Variants in HERC1 observed in about 807,000 individuals in gnomAD.
HERC1 encodes probable E3 ubiquitin-protein ligase HERC1.
In HERC1, 160 loss-of-function variants were observed where a neutral mutation model predicts 554.3. The observed-to-expected ratio is 0.29, with a 90% confidence interval of 0.25 to 0.33. The LOEUF (loss-of-function observed/expected upper bound fraction) is 0.33. HERC1 is among the 10% of genes least tolerant of loss of function. The pLI is 1.00. For synonymous variants in HERC1, 2,175 were observed against 2,131.7 expected (o/e 1.02, Z -0.56); for missense variants, 4,919 against 5,918.5 (o/e 0.83, Z 5.54).
chr15:63,812,970 C>T (rs977112036), intron 1 of HERC1, among the ~76,000 whole-genome samples: 1 of 151,938 alleles, frequency 6.6e-6, no homozygotes, highest in African/African-American at 2.4e-5. Flanking sequence ...TTATAAGCAA[C>T]CTTATTTTAA....
chr15:63,635,035 T>C lies in HERC1; in HGVS notation c.12415-147A>G, dbSNP rs913069514. On this transcript the variant is annotated intron_variant, in intron 65 of 77. Coordinates refer to ENST00000443617, the MANE Select transcript of HERC1 (RefSeq NM_003922.4). The stretch of plus-strand genomic sequence containing the variant: ...TTCAAAGACCAATGCTTTTAAAAAT[T>C]TTTTTTTTTAATTTTTTTTTAAATT... The C allele has an allele frequency of 2.7e-5, 15 of 547,886 alleles. No homozygotes were observed. In the African/African-American group the frequency reaches 2.8e-4, roughly 10 times the overall value. 33.9% of individuals were successfully genotyped at this position (547,886 alleles called of 1,614,324 possible).
At chr15:63,637,753 T>C (rs936581786) in intron 63 of HERC1, 110 bp from the exon 64 acceptor site, 5 of 942,036 alleles carry the variant, frequency 5.3e-6, no homozygotes, top group Non-Finnish European at 7.6e-6. Context: ...AATTGTTTTA[T>C]CCTTTTACTG....
chr15:63,685,772 T>A (rs1460430833), intron 34 of HERC1, among the ~76,000 whole-genome samples: 2 of 152,168 alleles, frequency 1.3e-5, no homozygotes, highest in Non-Finnish European at 2.9e-5. Flanking sequence ...GAGACTACTA[T>A]CCTTAGAAAT....
In HERC1 at chr15:63,694,139, C is replaced by T. The variant is rs1384241292; in HGVS notation, c.5499G>A (p.Leu1833=). Residue 1833 remains leucine (L), a synonymous_variant, in exon 30 of 78, where the codon CTG becomes CTA. Transcript: ENST00000443617. This position sits in a 1 kb window ranked among gnomAD's most constrained non-coding sequence, Gnocchi z 4.3. ...AITTGTYADK[L]SPKVVQSLLD... is the part of the protein sequence containing the mutation. ...ACAAGGATTGAACTACTTTGGGACT[C>T]AGTTTATCAGCATAGGTCCTATGTG... 1 of 1,605,744 alleles carries T rather than the reference C, an allele frequency of 6.2e-7. No homozygotes were observed. Among genetic ancestry groups the T allele is most frequent in the East Asian group, 2.2e-5 (1 of 44,762 alleles).
chr15:63,774,765 G>A lies in HERC1; in HGVS notation c.859C>T (p.Leu287Phe), dbSNP rs1262556797. 2 of 1,613,962 alleles carry A rather than the reference G, an allele frequency of 1.2e-6. No individual in the cohort carries two copies. Among genetic ancestry groups the A allele is most frequent in the Admixed American group, 1.7e-5 (1 of 60,012 alleles). Reference protein sequence around the residue: ...VVHTMEKGKLLSSQEGMISFD... With the variant: ...VVHTMEKGKLFSSQEGMISFD... The stretch of plus-strand genomic sequence containing the variant: ...CTGATCATTCCTTCCTGGCTTGAGA[G>A]TAGTTTGCCTTTCTCCATGGTGTGT... The change falls in exon 2 of 78, where the codon CTC becomes TTC. Residue 287 changes from leucine to phenylalanine, a missense_variant. Leu to Phe is a conservative substitution (Grantham distance 22). Coordinates refer to ENST00000443617, the MANE Select transcript of HERC1 (RefSeq NM_003922.4).
At chr15:63,729,175 A>T in intron 16 of HERC1, 61 bp downstream of exon 16, 1 of 1,459,174 alleles carries the variant, frequency 6.9e-7, no homozygotes, top group Non-Finnish European at 9.2e-7. Context: ...AAGACTTTGG[A>T]AAGCCAAGTG....
At chr15:63,647,712 C>T (rs1265979134) in intron 55 of HERC1, among the ~76,000 whole-genome samples, 2 of 152,170 alleles carry the variant, frequency 1.3e-5, no homozygotes, top group South Asian at 4.1e-4. Context: ...ATGGTTGGAA[C>T]TGAAGCCCAT....
chr15:63,640,799 C>T (rs181709165), intron 60 of HERC1, among the ~76,000 whole-genome samples: 370 of 152,302 alleles, frequency 2.4e-3, no homozygotes, highest in Non-Finnish European at 3.9e-3. Context: ...AGCTATCACA[C>T]TGCATATAGT....
intron 53 of HERC1, among the ~76,000 whole-genome samples, chr15:63,650,834 T>C (rs574331999): frequency 1.3e-5 from 2 of 152,252 alleles, no homozygotes; most frequent in South Asian, 4.1e-4. Flanking sequence ...AAAATACTAA[T>C]AAGCTCGATA....
intron 1 of HERC1, among the ~76,000 whole-genome samples, chr15:63,832,635 C>T (rs2078196917): frequency 6.6e-6 from 1 of 152,102 alleles, no homozygotes; most frequent in South Asian, 2.1e-4. Flanking sequence ...AATGTTTTAA[C>T]GTTTGATTTT....
At chr15:63,741,290 G>A (rs547785201) in intron 12 of HERC1, among the ~76,000 whole-genome samples, 85 of 151,486 alleles carry the variant, frequency 5.6e-4, no homozygotes, top group African/African-American at 1.4e-3. Flanking sequence ...GCCTCTCAAA[G>A]TGCTGGGATT....
chr15:63,752,940 C>T lies in HERC1; in HGVS notation c.1902+18G>A, dbSNP rs373860230. 13 of 1,610,098 alleles carry T rather than the reference C, an allele frequency of 8.1e-6. No homozygotes were observed. The African/African-American group carries it at 1.6e-4, about 20-fold the overall frequency. On this transcript the variant is annotated intron_variant, in intron 8 of 77. Coordinates refer to ENST00000443617, the MANE Select transcript of HERC1 (RefSeq NM_003922.4). ...TCTGAAATACTCTAAGTCTTTTATA[C>T]TCATCCCTTAGTCCTACCTGCCCTG... is the stretch of plus-strand genomic sequence containing the variant.
chr15:63,712,675 A>C, intron 24 of HERC1, 100 bp downstream of exon 24: 1 of 1,052,930 alleles, frequency 9.5e-7, no homozygotes, highest in Middle Eastern at 3.0e-4. Context: ...AAAAATTTTT[A>C]TATGTCTAAA....
chr15:63,715,650 C>T (rs1282574000), intron 22 of HERC1, among the ~76,000 whole-genome samples: 1 of 152,080 alleles, frequency 6.6e-6, no homozygotes, highest in African/African-American at 2.4e-5. Context: ...TTTAGGGTAC[C>T]GACTGAATGC....
chr15:63,808,985 T>C (rs1239168471), intron 1 of HERC1, among the ~76,000 whole-genome samples: 1 of 152,212 alleles, frequency 6.6e-6, no homozygotes, highest in East Asian at 1.9e-4. Context: ...AACTCATTCT[T>C]ATGGCCTCCC....
At chr15:63,663,790 T>C (rs912488681) in intron 43 of HERC1, among the ~76,000 whole-genome samples, 29 of 152,190 alleles carry the variant, frequency 1.9e-4, no homozygotes, top group Admixed American at 1.0e-3. Flanking sequence ...TCAATAAATA[T>C]TGGCTATTAC....
chr15:63,676,494 T>C (rs1426502689), intron 37 of HERC1, among the ~76,000 whole-genome samples: 1 of 152,098 alleles, frequency 6.6e-6, no homozygotes, highest in African/African-American at 2.4e-5. Flanking sequence ...TGGTGGCTCA[T>C]GTCTGTAATC....
chr15:63,764,265 A>T, intron 2 of HERC1, 74 bp from the exon 3 acceptor site: 1 of 918,812 alleles, frequency 1.1e-6, no homozygotes, highest in Non-Finnish European at 1.7e-6. Flanking sequence ...TAAACAGTCT[A>T]CAAAAACAAC....
chr15:63,622,960 A>G (rs551651962), intron 73 of HERC1, 69 bp from the exon 74 acceptor site: 1 of 857,692 alleles, frequency 1.2e-6, no homozygotes, highest in East Asian at 2.8e-5. Context: ...AACCAATTAC[A>G]AGATCATACT....
Sources: allele counts gnomAD v4.1 joint callset (sites outside exome capture counted in the v4.1 genomes callset), GRCh38; gene constraint gnomAD v4.1.1; non-coding constraint Gnocchi (gnomAD v3.1); transcripts MANE v1.5; gene names NCBI Gene and HGNC (gene_info 2026-07-23, HGNC 2026-07-21).